Variants in HECW1 observed in about 807,000 individuals in gnomAD.
The protein encoded by HECW1 is HECT, C2 and WW domain containing E3 ubiquitin protein ligase 1, also known as E3 ubiquitin-protein ligase HECW1.
HECW1 carries 61 observed loss-of-function variants against 182.3 expected under a neutral mutation model. The ratio of observed to expected loss-of-function variants is 0.33; its 90% CI spans 0.27 to 0.41. The LOEUF (loss-of-function observed/expected upper bound fraction) is 0.41. Among genes scored for constraint, HECW1 ranks in the 10% least tolerant of loss-of-function variants. HECW1 has a pLI of 1.00. For missense variants in HECW1, 1,739 were observed against 2,108.9 expected (o/e 0.82, Z 3.44); for synonymous variants, 859 against 832.6 (o/e 1.03, Z -0.55).
chr7:43,251,211 GAAGAA>G (rs1799992060), intron 3 of HECW1, among the ~76,000 whole-genome samples: 1 of 152,200 alleles, frequency 6.6e-6, no homozygotes, highest in South Asian at 2.1e-4. Context: ...GCTGTCTGTC[GAAGAA>G]TGAGCCCTGT....
At chr7:43,520,332 A>G (rs944929164) in intron 24 of HECW1, among the ~76,000 whole-genome samples, 1 of 152,050 alleles carries the variant, frequency 6.6e-6, no homozygotes, top group East Asian at 1.9e-4. Flanking sequence ...TACGAAATGG[A>G]GTCTGGACTC....
At chr7:43,220,210 G>A (rs1016666060) in intron 2 of HECW1, among the ~76,000 whole-genome samples, 2 of 152,218 alleles carry the variant, frequency 1.3e-5, no homozygotes, top group African/African-American at 2.4e-5. Context: ...ATAGCAAAAG[G>A]AGACAAATCA....
intron 5 of HECW1, among the ~76,000 whole-genome samples, chr7:43,354,894 G>T (rs1342664940): frequency 6.6e-6 from 1 of 152,070 alleles, no homozygotes; most frequent in Non-Finnish European, 1.5e-5. Context: ...CAAGGACAAA[G>T]ATGGCATCTT....
intron 17 of HECW1, among the ~76,000 whole-genome samples, chr7:43,489,988 T>C (rs1442341786): frequency 3.3e-5 from 5 of 152,214 alleles, no homozygotes; most frequent in African/African-American, 9.6e-5. Context: ...GTCTTTCCTT[T>C]TTTTTAAATC....
At chr7:43,284,267 T>C (rs1285717394) in intron 3 of HECW1, among the ~76,000 whole-genome samples, 2 of 152,188 alleles carry the variant, frequency 1.3e-5, no homozygotes, top group Non-Finnish European at 2.9e-5. Flanking sequence ...ATCATGTACA[T>C]GTTGTTTTGA....
At chr7:43,157,348 T>C (rs1177559865) in intron 2 of HECW1, among the ~76,000 whole-genome samples, 1 of 152,204 alleles carries the variant, frequency 6.6e-6, no homozygotes, top group African/African-American at 2.4e-5. Flanking sequence ...TCTGGCTGCA[T>C]TATTCAAGAC....
intron 2 of HECW1, among the ~76,000 whole-genome samples, chr7:43,125,015 G>T (rs1030962310): frequency 6.6e-6 from 1 of 152,136 alleles, no homozygotes; most frequent in African/African-American, 2.4e-5. Flanking sequence ...ATTTCTTACA[G>T]TTGTGGAGGC....
Position 43,501,802 on chromosome 7 carries a change from G to A in HECW1, c.3631+480G>A, listed in dbSNP as rs561046070. On this transcript the variant is annotated intron_variant, in intron 21 of 29. Transcript: ENST00000395891. ...GCTATGATTTCACCACTGCCCTCCT[G>A]CCCATACAACAAAGAGAGTCCCTAT... Among the ~76,000 whole-genome samples the A allele has an allele frequency of 4.0e-5, 6 of 151,492 alleles. No individual in the cohort carries two copies. In the South Asian group the frequency reaches 1.2e-3, roughly 31 times the overall value.
At chr7:43,277,363 T>C (rs1027082806) in intron 3 of HECW1, among the ~76,000 whole-genome samples, 5 of 152,042 alleles carry the variant, frequency 3.3e-5, no homozygotes, top group Non-Finnish European at 7.4e-5. Context: ...ACCCACCTTA[T>C]CTTGTTGTTG....
chr7:43,186,700 C>T (rs900874587), intron 2 of HECW1, among the ~76,000 whole-genome samples: 1 of 151,104 alleles, frequency 6.6e-6, no homozygotes, highest in African/African-American at 2.4e-5. Flanking sequence ...GATTATCATA[C>T]CATAATTTGA....
chr7:43,238,578 C>T (rs538305315), intron 2 of HECW1, among the ~76,000 whole-genome samples: 4 of 152,184 alleles, frequency 2.6e-5, no homozygotes, highest in African/African-American at 7.2e-5. Context: ...AGTTAGGGAA[C>T]GTGGAAGTTT....
chr7:43,119,133 G>C (rs1785336098), intron 2 of HECW1: 1 of 152,332 alleles, frequency 6.6e-6, no homozygotes, highest in Non-Finnish European at 1.5e-5. Flanking sequence ...CATCTTATTT[G>C]AAGCTACTTT....
intron 10 of HECW1, among the ~76,000 whole-genome samples, chr7:43,443,198 TCTTCTGCAGC>T (rs1331166249): frequency 6.6e-6 from 1 of 152,224 alleles, no homozygotes; most frequent in Non-Finnish European, 1.5e-5. Flanking sequence ...TTTTTGCTCT[TCTTCTGCAGC>T]CCCCATACAT....
intron 3 of HECW1, among the ~76,000 whole-genome samples, chr7:43,305,703 CG>C (rs770979096): frequency 5.9e-5 from 9 of 151,318 alleles, no homozygotes; most frequent in Non-Finnish European, 1.3e-4. Context: ...CGGGTTCAAG[CG>C]ATTCTCCCTG....
chr7:43,375,627 G>A (rs1470468016), intron 6 of HECW1, among the ~76,000 whole-genome samples: 1 of 152,034 alleles, frequency 6.6e-6, no homozygotes, highest in Non-Finnish European at 1.5e-5. Flanking sequence ...AGGCATGGTG[G>A]CTCACCAATA....
intron 3 of HECW1, chr7:43,258,717 T>A (rs1292636345): frequency 6.6e-6 from 1 of 152,190 alleles, no homozygotes; most frequent in African/African-American, 2.4e-5. Flanking sequence ...AAAACGTACT[T>A]GTTAAATTGC....
At chr7:43,359,132 T>A (rs1263141290) in intron 5 of HECW1, among the ~76,000 whole-genome samples, 1 of 152,190 alleles carries the variant, frequency 6.6e-6, no homozygotes, top group Non-Finnish European at 1.5e-5. Flanking sequence ...GGCCCATATC[T>A]TTTAACCTAA....
At chr7:43,387,904 G>A (rs1191183584) in intron 6 of HECW1, among the ~76,000 whole-genome samples, 1 of 152,126 alleles carries the variant, frequency 6.6e-6, no homozygotes, top group Non-Finnish European at 1.5e-5. Flanking sequence ...AGAAGTCAGA[G>A]GTTAAAAAAC....
In HECW1 at chr7:43,330,795, T is replaced by A. The variant is rs541231734; in HGVS notation, c.460+10053T>A. On this transcript the variant is annotated intron_variant, in intron 5 of 29. Coordinates refer to ENST00000395891, the MANE Select transcript of HECW1 (RefSeq NM_015052.5). ...TGGTTTGGGCCCTAATAGTTCTGTG[T>A]CCCAGGAAAAAGCTCAGGCGTGAAC... is the stretch of plus-strand genomic sequence containing the variant. 3.9e-5 allele frequency among the ~76,000 whole-genome samples: 6 copies of A among 152,164 alleles called. No homozygotes were observed. The South Asian group carries it at 1.2e-3, about 32-fold the overall frequency.
Sources: gnomAD v4.1 joint callset for allele counts (sites outside exome capture counted in the v4.1 genomes callset) on GRCh38, gnomAD v4.1.1 for gene constraint, MANE v1.5 for transcripts, NCBI Gene and HGNC (gene_info 2026-07-23, HGNC 2026-07-21) for gene names.